Variants in RAF1 observed in about 807,000 individuals in gnomAD.
RAF1 encodes the protein RAF proto-oncogene serine/threonine-protein kinase.
In RAF1, 27 loss-of-function variants were observed where a neutral mutation model predicts 81.1. The observed-to-expected ratio is 0.33, with a 90% confidence interval of 0.25 to 0.46. The LOEUF (loss-of-function observed/expected upper bound fraction) is 0.46, where lower values mean the gene tolerates loss of function less well. Among genes scored for constraint, RAF1 ranks in the 20% least tolerant of loss-of-function variants. The probability of loss-of-function intolerance (pLI) is 1.00; values close to 1 mark genes in which losing one functional copy is unlikely to be tolerated. For missense variants in RAF1, 598 were observed against 826.0 expected, an observed-to-expected ratio of 0.72 and a Z score of 3.38; for synonymous variants, 298 against 294.0, an observed-to-expected ratio of 1.01 and a Z score of -0.14.
chr3:12,654,310 A>T (rs2060620360), intron 1 of RAF1, among the ~76,000 whole-genome samples: 1 of 151,964 alleles, frequency 6.6e-6, no homozygotes, highest in South Asian at 2.1e-4. Flanking sequence ...TAGAATAAAA[A>T]AGTATGAGAG....
At position 12,628,736 on chromosome 3, in the gene RAF1, A is replaced by T. The variant is rs546644740; in HGVS notation, c.-26-9989T>A. On this transcript the variant is annotated intron_variant, in intron 1 of 17. Coordinates refer to ENST00000442415, the MANE Select transcript of RAF1 (RefSeq NM_001354689.3). ...ACTTCTATTCATATAAGTATGATGA[A>T]CCTGAGACTATTTTTGGGGGGGGGG... 6.5e-4 allele frequency among the ~76,000 whole-genome samples: 67 copies of T among 102,950 alleles called. 2 individuals carry two copies. The East Asian group carries it at 0.021, about 33-fold the overall frequency. 67.5% of individuals were successfully genotyped at this position (102,950 alleles called of 152,430 possible). A position where few individuals can be genotyped will look rare whatever the true frequency, so the allele number is the denominator to read the frequency against.
At chr3:12,617,643 T>C (rs1239235427) in intron 2 of RAF1, among the ~76,000 whole-genome samples, 1 of 151,636 alleles carries the variant, frequency 6.6e-6, no homozygotes, top group Non-Finnish European at 1.5e-5. Flanking sequence ...CCCAGCAGTT[T>C]GGGAGGCCGA....
chr3:12,603,992 A>C (rs2058945667), intron 7 of RAF1, 144 bp downstream of exon 7: 1 of 881,386 alleles, frequency 1.1e-6, no homozygotes, highest in Non-Finnish European at 1.8e-6. Context: ...GATATTATGG[A>C]TATAAAATAA....
intron 1 of RAF1, among the ~76,000 whole-genome samples, chr3:12,652,216 A>G (rs2060554354): frequency 6.6e-6 from 1 of 151,402 alleles, no homozygotes; most frequent in South Asian, 2.1e-4. Flanking sequence ...ACTCCATCTC[A>G]AAAAAACAAT....
At chr3:12,584,795 C>A in intron 17 of RAF1, 52 bp downstream of exon 16, 2 of 1,613,936 alleles carry the variant, frequency 1.2e-6, no homozygotes, top group Non-Finnish European at 1.7e-6. Flanking sequence ...ATATTGCCAT[C>A]TTTACGAACC....
intron 1 of RAF1, among the ~76,000 whole-genome samples, chr3:12,655,625 A>G (rs571314805): frequency 4.6e-5 from 7 of 152,166 alleles, no homozygotes; most frequent in Admixed American, 1.3e-4. Flanking sequence ...TTGTACACCA[A>G]TGTTCACTGC....
chr3:12,635,308 G>C, intron 1 of RAF1, among the ~76,000 whole-genome samples: 2 of 102,968 alleles, frequency 1.9e-5, no homozygotes, highest in Non-Finnish European at 3.6e-5. Flanking sequence ...GACAGAGGGA[G>C]ACCCTGTCTC....
intron 5 of RAF1, 138 bp from the exon 6 acceptor site, chr3:12,606,437 T>G: frequency 1.4e-6 from 1 of 699,270 alleles, no homozygotes; most frequent in Non-Finnish European, 2.6e-6. Flanking sequence ...TGTTTTACAT[T>G]ACCTAGAATA....
intron 1 of RAF1, among the ~76,000 whole-genome samples, chr3:12,640,778 G>A (rs2060160200): frequency 6.6e-6 from 1 of 152,104 alleles, no homozygotes; most frequent in South Asian, 2.1e-4. Context: ...CTGTAAACTA[G>A]TTCAACCATT....
In RAF1 at chr3:12,651,595, C is replaced by T. The variant is rs919178987; in HGVS notation, c.-27+12218G>A. On this transcript the variant is annotated intron_variant, in intron 1 of 17. Transcript: ENST00000442415. ...GTTGCAGTGAGCTGAGATCGGTTGC[C>T]GTGAGCCGAGATCGCACCACTGCAC... Among the ~76,000 whole-genome samples the T allele has an allele frequency of 5.3e-5, 8 of 149,534 alleles. No individual in the cohort carries two copies. The South Asian group carries it at 6.3e-4, about 12-fold the overall frequency.
intron 1 of RAF1, among the ~76,000 whole-genome samples, chr3:12,655,360 A>C (rs1364653757): frequency 6.6e-6 from 1 of 152,238 alleles, no homozygotes; most frequent in Non-Finnish European, 1.5e-5. Context: ...TGCTGGGATT[A>C]CAGGCATGAG....
rs2125419695 is a variant in RAF1 at position 12,609,222 on chromosome 3, C to G, written c.423+11G>C. ...TCAACATGCCAGAAAGAGAAGAGAT[C>G]TGCAACTTACAAAGTTGTGTGTTGT... is the stretch of plus-strand genomic sequence containing the variant. On this transcript the variant is annotated intron_variant, in intron 4 of 17. Transcript: ENST00000442415. 6.3e-7 allele frequency: 1 copy of G among 1,588,138 alleles called. No homozygotes were observed. The highest frequency in any genetic ancestry group is 1.1e-5 in the South Asian group (1 of 90,470).
chr3:12,585,033 A>T (rs767966447), intron 16 of RAF1, 52 bp from the exon 16 acceptor site: 2 of 1,613,948 alleles, frequency 1.2e-6, no homozygotes, highest in Non-Finnish European at 1.7e-6. Context: ...ACAACAGATA[A>T]TAACAAGTCC....
chr3:12,636,941 G>A (rs1393823952), intron 1 of RAF1, among the ~76,000 whole-genome samples: 1 of 152,168 alleles, frequency 6.6e-6, no homozygotes, highest in African/African-American at 2.4e-5. Flanking sequence ...AACAGGTACT[G>A]AGTTTGAAAT....
At chr3:12,641,512 A>G (rs994307715) in intron 1 of RAF1, among the ~76,000 whole-genome samples, 1 of 146,604 alleles carries the variant, frequency 6.8e-6, no homozygotes, top group Non-Finnish European at 1.5e-5. Context: ...TTTTTTTTGA[A>G]ACAGGGTCTC....
intron 1 of RAF1, among the ~76,000 whole-genome samples, chr3:12,633,952 C>CA (rs1409155510): frequency 2.4e-5 from 3 of 127,322 alleles, no homozygotes; most frequent in Admixed American, 8.1e-5. Context: ...AAAAAAAAAA[C>CA]AAAAAAAATC....
At position 12,585,448 on chromosome 3, in the gene RAF1, A is replaced by C. The variant is rs192086280; in HGVS notation, c.1597-195T>G. 52 of 985,262 alleles carry C rather than the reference A, an allele frequency of 5.3e-5. No homozygotes were observed. In the Admixed American group the frequency reaches 2.8e-3, roughly 54 times the overall value. The allele number at this position is 985,262 out of a possible 1,614,324, so 61.0% of individuals were successfully genotyped here. Reference sequence around the variant, plus strand: ...AGGAATCCTTGTCTTTAAAGGACCAAGACCCAGCATTTCTGTCACCCAGCT... The same window carrying C: ...AGGAATCCTTGTCTTTAAAGGACCACGACCCAGCATTTCTGTCACCCAGCT... On this transcript the variant is annotated intron_variant, in intron 15 of 17. Coordinates refer to ENST00000442415, the MANE Select transcript of RAF1 (RefSeq NM_001354689.3).
chr3:12,608,999 CAA>C (rs2059125830), intron 4 of RAF1, 76 bp from the exon 5 acceptor site: 2 of 1,553,258 alleles, frequency 1.3e-6, no homozygotes, highest in African/African-American at 1.4e-5. Flanking sequence ...TCTTGGCCTC[CAA>C]AAAAGTTTTT....
At chr3:12,596,178 GAA>G in intron 11 of RAF1, among the ~76,000 whole-genome samples, 1 of 134,234 alleles carries the variant, frequency 7.4e-6, no homozygotes, top group Non-Finnish European at 1.6e-5. Flanking sequence ...CTGGCCTATA[GAA>G]AGAATTTTTC....
Sources: gnomAD v4.1 joint callset for allele counts (sites outside exome capture counted in the v4.1 genomes callset) on GRCh38, gnomAD v4.1.1 for gene constraint, MANE v1.5 for transcripts, NCBI Gene and HGNC (gene_info 2026-07-23, HGNC 2026-07-21) for gene names.